Variants in EXOC1 observed in about 807,000 individuals in gnomAD.
The protein encoded by EXOC1 is exocyst complex component 1.
In EXOC1, 67 loss-of-function variants were observed where a neutral mutation model predicts 107.7. The ratio of observed to expected loss-of-function variants is 0.62; its 90% CI spans 0.51 to 0.76. The LOEUF is 0.76. Among genes scored for constraint, EXOC1 ranks in the 30% least tolerant of loss-of-function variants. EXOC1 has a pLI of 0.00. For synonymous variants in EXOC1, 348 were observed against 353.5 expected (o/e 0.98, Z 0.17); for missense variants, 833 against 1,055.7 (o/e 0.79, Z 2.92).
chr4:55,867,203 C>T (rs560157561), intron 4 of EXOC1, among the ~76,000 whole-genome samples: 24 of 152,252 alleles, frequency 1.6e-4, no homozygotes, highest in Non-Finnish European at 3.2e-4. Flanking sequence ...GACAGTTGAA[C>T]TTTTTCGCAG....
At chr4:55,899,524 T>C (rs1270476931) in intron 16 of EXOC1, among the ~76,000 whole-genome samples, 161 bp from the exon 17 acceptor site, 1 of 152,186 alleles carries the variant, frequency 6.6e-6, no homozygotes, top group Non-Finnish European at 1.5e-5. Flanking sequence ...TTATTATGAT[T>C]AGGTAGATCT....
chr4:55,857,447 C>G (rs1299818879), intron 1 of EXOC1, among the ~76,000 whole-genome samples: 1 of 152,036 alleles, frequency 6.6e-6, no homozygotes, highest in Non-Finnish European at 1.5e-5. Context: ...GGATTACAAG[C>G]GTGAGCCACC....
chr4:55,889,107 G>A (rs1287768603), intron 11 of EXOC1, among the ~76,000 whole-genome samples, 175 bp downstream of exon 11: 1 of 152,152 alleles, frequency 6.6e-6, no homozygotes, highest in Non-Finnish European at 1.5e-5. Flanking sequence ...AGAAATATAT[G>A]ATATAGTTAA....
chr4:55,885,487 A>G (rs1041015119), intron 10 of EXOC1: 2 of 152,202 alleles, frequency 1.3e-5, no homozygotes, highest in African/African-American at 4.8e-5. Flanking sequence ...GTTAAAAGGT[A>G]GTTTTGTAGT....
At chr4:55,887,689 C>T (rs1032943009) in intron 10 of EXOC1, among the ~76,000 whole-genome samples, 1 of 149,242 alleles carries the variant, frequency 6.7e-6, no homozygotes, top group Non-Finnish European at 1.5e-5. Context: ...CCCAGGAGTT[C>T]AGGTCCAGCC....
Position 55,893,693 on chromosome 4 carries a change from T to G in EXOC1, c.1866T>G (p.Thr622=). 6.2e-7 allele frequency: 1 copy of G among 1,614,170 alleles called. No homozygotes were observed. Among genetic ancestry groups the G allele is most frequent in the Non-Finnish European group, 8.5e-7 (1 of 1,180,012 alleles). Residue 622 remains threonine, a synonymous_variant, in exon 15 of 19, where the codon ACT becomes ACG. Transcript: ENST00000381295. ...MLVKMSHHVW[T]AQNVDPASFL... The stretch of plus-strand genomic sequence containing the variant: ...TCAAAATGAGTCATCATGTGTGGAC[T>G]GCACAAAATGTGGACCCTGCTTCTT...
intron 9 of EXOC1, among the ~76,000 whole-genome samples, chr4:55,880,872 AT>A (rs778929807): frequency 9.2e-5 from 14 of 152,184 alleles, no homozygotes; most frequent in Non-Finnish European, 1.9e-4. Flanking sequence ...CTTTTCACAG[AT>A]TATGTATTTT....
chr4:55,858,362 T>C lies in EXOC1; in HGVS notation c.39T>C (p.Phe13=). The C allele has an allele frequency of 6.2e-7, 1 of 1,610,364 alleles. No individual in the cohort carries two copies. The highest frequency in any genetic ancestry group is 8.5e-7 in the Non-Finnish European group (1 of 1,178,450). ...AGCATGCATTACAAAGAGACATTTTTACACCAAATGATGAACGCCTGCTGA... is the reference window on the plus strand; with the variant it reads ...AGCATGCATTACAAAGAGACATTTTCACACCAAATGATGAACGCCTGCTGA... ...AIKHALQRDI[F]TPNDERLLSI... is the part of the protein sequence containing the mutation. Residue 13 remains phenylalanine (F), a synonymous_variant, in exon 2 of 19, where the codon TTT becomes TTC. Transcript: ENST00000381295.
chr4:55,880,144 G>A (rs1289179494), intron 9 of EXOC1, among the ~76,000 whole-genome samples: 1 of 151,956 alleles, frequency 6.6e-6, no homozygotes, highest in Admixed American at 6.6e-5. Context: ...TTTGACAGTA[G>A]GACATTTTTA....
chr4:55,888,730 A>G (rs1724168093), intron 10 of EXOC1, 158 bp from the exon 11 acceptor site: 1 of 656,068 alleles, frequency 1.5e-6, no homozygotes, highest in South Asian at 2.0e-5. Flanking sequence ...TAGGTGACCA[A>G]CTAAACATGT....
At chr4:55,895,660 A>G (rs1278367859) in intron 15 of EXOC1, among the ~76,000 whole-genome samples, 1 of 152,210 alleles carries the variant, frequency 6.6e-6, no homozygotes, top group African/African-American at 2.4e-5. Context: ...TGGCAGTGTA[A>G]TCATTCCTAC....
At chr4:55,862,342 G>T in intron 3 of EXOC1, among the ~76,000 whole-genome samples, 1 of 151,738 alleles carries the variant, frequency 6.6e-6, no homozygotes, top group African/African-American at 2.4e-5. Context: ...TTTTATGTAG[G>T]CACCTTGGTG....
At chr4:55,888,791 A>T in intron 10 of EXOC1, 97 bp from the exon 11 acceptor site, 1 of 1,269,342 alleles carries the variant, frequency 7.9e-7, no homozygotes, top group Non-Finnish European at 1.1e-6. Flanking sequence ...TGTGTCTTTT[A>T]AACTAGAGCT....
At chr4:55,872,792 A>G (rs1006708447) in intron 8 of EXOC1, 4 of 980,362 alleles carry the variant, frequency 4.1e-6, no homozygotes, top group Admixed American at 6.2e-5. Flanking sequence ...AACAGGTCCT[A>G]CTTTCTTTCG....
chr4:55,865,484 G>GT (rs1577699937), intron 4 of EXOC1, among the ~76,000 whole-genome samples: 1 of 152,080 alleles, frequency 6.6e-6, no homozygotes, highest in Non-Finnish European at 1.5e-5. Flanking sequence ...CCAACATCTT[G>GT]GTAATTGAGT....
intron 16 of EXOC1, among the ~76,000 whole-genome samples, chr4:55,897,239 A>C (rs952428272): frequency 6.7e-6 from 1 of 149,536 alleles, no homozygotes; most frequent in Non-Finnish European, 1.5e-5. Flanking sequence ...AGATCCTCCT[A>C]CCTCACCCTC....
rs1725262646 is a variant in EXOC1 at position 55,896,857 on chromosome 4, G to C, written c.2094G>C (p.Leu698=). The change falls in exon 16 of 19, where the codon CTG becomes CTC. Residue 698 remains leucine (L), a synonymous_variant. Coordinates refer to ENST00000381295, the MANE Select transcript of EXOC1 (RefSeq NM_001024924.2). ...IFKNAERRGD[L]DKAYTKLIRG... ...AAAATGCTGAGCGTCGTGGAGACCTGGATAAAGCATACACCAAACTTATCA... is the reference window on the plus strand; with the variant it reads ...AAAATGCTGAGCGTCGTGGAGACCTCGATAAAGCATACACCAAACTTATCA... 6.2e-7 allele frequency: 1 copy of C among 1,608,088 alleles called. No homozygotes were observed. The highest frequency in any genetic ancestry group is 1.7e-5 in the Admixed American group (1 of 58,730).
chr4:55,877,829 G>A (rs1723038723), intron 8 of EXOC1, 88 bp from the exon 9 acceptor site: 21 of 1,545,764 alleles, frequency 1.4e-5, no homozygotes, highest in Non-Finnish European at 1.8e-5. Flanking sequence ...GTTTGGCTTG[G>A]CCACATTTTG....
In EXOC1 at chr4:55,864,359, G is replaced by A; in HGVS notation, c.388G>A (p.Val130Ile). ...QRYLRKKIDF[V>I]NVSSQLLEES... ...ATATCTCCGGAAGAAAATTGATTTT[G>A]TCAATGTTAGCTCACAGCTTTTGGA... The change falls in exon 4 of 19, where the codon GTC (valine) becomes ATC (isoleucine). Residue 130 changes from valine to isoleucine, a missense_variant. Val to Ile is a conservative substitution (Grantham distance 29). Coordinates refer to ENST00000381295, the MANE Select transcript of EXOC1 (RefSeq NM_001024924.2). The A allele has an allele frequency of 6.2e-7, 1 of 1,609,102 alleles. No homozygotes were observed. The highest frequency in any genetic ancestry group is 8.5e-7 in the Non-Finnish European group (1 of 1,178,320).
Sources: allele counts gnomAD v4.1 joint callset (sites outside exome capture counted in the v4.1 genomes callset), GRCh38; gene constraint gnomAD v4.1.1; transcripts MANE v1.5; gene names NCBI Gene and HGNC (gene_info 2026-07-23, HGNC 2026-07-21).